CCDC180: variants seen among roughly 807,000 people sequenced by gnomAD.
CCDC180 encodes the protein coiled-coil domain-containing protein 180.
Under a neutral mutation model 209.2 loss-of-function variants are expected in CCDC180, and 154 were observed. That is an observed-to-expected ratio of 0.74 (90% CI 0.65 to 0.84). The LOEUF is 0.84. CCDC180 is among the 40% of genes least tolerant of loss of function. The pLI, the probability that CCDC180 is intolerant of heterozygous loss-of-function variation, is 0.00. For missense variants in CCDC180, 1,874 were observed against 1,997.3 expected (o/e 0.94, Z 1.18); for synonymous variants, 778 against 749.1 (o/e 1.04, Z -0.63).
Position 97,365,686 on chromosome 9 carries a change from A to T in CCDC180, c.3994A>T (p.Ile1332Phe). The change falls in exon 30 of 37, where the codon ATC (isoleucine) becomes TTC (phenylalanine). Residue 1332 changes from isoleucine to phenylalanine, a missense_variant. Physicochemically the swap from Ile to Phe is conservative, Grantham distance 21 (BLOSUM62 0). Transcript: ENST00000529487. The part of the protein sequence containing the change: ...PPPAAEDFKG[I>F]ILTLLWESSE... ...TGTGTGTTGCAGGGATTTTAAGGGG[A>T]TCATCTTGACCCTCCTCTGGGAGAG... 6.2e-7 allele frequency: 1 copy of T among 1,613,942 alleles called. No homozygotes were observed. Among genetic ancestry groups the T allele is most frequent in the Non-Finnish European group, 8.5e-7 (1 of 1,179,966 alleles).
intron 18 of CCDC180, among the ~76,000 whole-genome samples, chr9:97,332,614 T>A (rs1444428961): frequency 6.6e-6 from 1 of 152,166 alleles, no homozygotes; most frequent in Non-Finnish European, 1.5e-5. Flanking sequence ...TATTCCTAGG[T>A]ATTTTATTCT....
rs542120514 is a variant in CCDC180, at chr9:97,328,194, G to C, written c.1788+48G>C. 8.8e-6 allele frequency: 14 copies of C among 1,592,702 alleles called. No individual in the cohort carries two copies. The African/African-American group carries it at 1.5e-4, about 17-fold the overall frequency. On this transcript the variant is annotated intron_variant, in intron 16 of 36. Coordinates refer to ENST00000529487, the MANE Select transcript of CCDC180 (RefSeq NM_020893.6). ...CCCAGCCACTCATGAAGAAGCTAAG[G>C]GAGAGGCTGACTTCTTGTTATGATC... is the stretch of plus-strand genomic sequence containing the variant.
intron 22 of CCDC180, among the ~76,000 whole-genome samples, chr9:97,351,120 G>C (rs553519623): frequency 1.4e-4 from 21 of 152,286 alleles, no homozygotes; most frequent in African/African-American, 4.8e-4. Context: ...AGGAACATTG[G>C]TGTACAAATA....
chr9:97,358,860 T>G (rs958196315), intron 25 of CCDC180, among the ~76,000 whole-genome samples: 1 of 152,208 alleles, frequency 6.6e-6, no homozygotes, highest in East Asian at 1.9e-4. Context: ...TTTCAGTGAC[T>G]CTGAGTTGCA....
At position 97,352,321 on chromosome 9, in the gene CCDC180, T is replaced by C. The variant is rs115577130; in HGVS notation, c.3002+1766T>C. On this transcript the variant is annotated intron_variant, in intron 22 of 36. Transcript: ENST00000529487. ...GAAATTTTAGAGGAAGGGTAAATGA[T>C]GTTTAGGGGAGATTAATGGACCCAA... 8.4e-3 allele frequency among the ~76,000 whole-genome samples: 1,278 copies of C among 152,196 alleles called. 17 individuals carry two copies. The highest frequency in any genetic ancestry group is 0.029 in the African/African-American group (1,194 of 41,520).
intron 9 of CCDC180, among the ~76,000 whole-genome samples, chr9:97,317,536 C>A (rs1833217672): frequency 6.6e-6 from 1 of 152,176 alleles, no homozygotes; most frequent in African/African-American, 2.4e-5. Flanking sequence ...GAGCTCCATA[C>A]AGCTGGAAAA....
Position 97,362,450 on chromosome 9 carries a change from C to T in CCDC180, c.3902+9C>T, listed in dbSNP as rs1308490457. On this transcript the variant is annotated intron_variant, in intron 28 of 36. Coordinates refer to ENST00000529487, the MANE Select transcript of CCDC180 (RefSeq NM_020893.6). The stretch of plus-strand genomic sequence containing the variant: ...GCTACCTCTGCAGGCAGGTAGGACA[C>T]AAAGCAGCCAGAATCGCCCCTTCCC... 1.9e-6 allele frequency: 3 copies of T among 1,611,082 alleles called. No individual in the cohort carries two copies. Among genetic ancestry groups the T allele is most frequent in the Non-Finnish European group, 2.5e-6 (3 of 1,178,064 alleles).
At chr9:97,341,490 G>C (rs1293372937) in intron 18 of CCDC180, among the ~76,000 whole-genome samples, 1 of 152,186 alleles carries the variant, frequency 6.6e-6, no homozygotes, top group African/African-American at 2.4e-5. Flanking sequence ...CTGTTTGCCT[G>C]GGTTTCACCA....
chr9:97,350,494 T>A lies in CCDC180; in HGVS notation c.2941T>A (p.Tyr981Asn). 1 of 1,536,472 alleles carries A rather than the reference T, an allele frequency of 6.5e-7. No homozygotes were observed. Among genetic ancestry groups the A allele is most frequent in the South Asian group, 1.2e-5 (1 of 84,044 alleles). Residue 981 changes from tyrosine (Y) to asparagine (N), a missense_variant, in exon 22 of 37, where the codon TAC becomes AAC. Coordinates refer to ENST00000529487, the MANE Select transcript of CCDC180 (RefSeq NM_020893.6). ...GGTGTCCCTGCGCAGCTTCCGGCAGTACTTGGAGGAGAGTCTGGGCAAACT... is the reference window on the plus strand; with the variant it reads ...GGTGTCCCTGCGCAGCTTCCGGCAGAACTTGGAGGAGAGTCTGGGCAAACT... Reference protein sequence around the residue: ...TQVSLRSFRQYLEESLGKLRY... With the variant: ...TQVSLRSFRQNLEESLGKLRY...
At chr9:97,328,472 C>T (rs1489099048) in intron 16 of CCDC180, among the ~76,000 whole-genome samples, 2 of 152,154 alleles carry the variant, frequency 1.3e-5, no homozygotes, top group Admixed American at 6.5e-5. Context: ...ACCTACTCTC[C>T]TGCAAAATCC....
intron 28 of CCDC180, 80 bp from the exon 29 acceptor site, chr9:97,363,971 C>A: frequency 7.1e-7 from 1 of 1,410,076 alleles, no homozygotes; most frequent in Non-Finnish European, 9.9e-7. Context: ...TCCAGAAACC[C>A]AGGCAGGGAT....
At chr9:97,317,655 T>G (rs1483137189) in intron 9 of CCDC180, among the ~76,000 whole-genome samples, 1 of 152,134 alleles carries the variant, frequency 6.6e-6, no homozygotes, top group East Asian at 1.9e-4. Flanking sequence ...TCCCAACTCT[T>G]GGGGAGCGTG....
intron 4 of CCDC180, among the ~76,000 whole-genome samples, 182 bp from the exon 5 acceptor site, chr9:97,313,054 G>T (rs1484302317): frequency 6.6e-6 from 1 of 151,984 alleles, no homozygotes; most frequent in Non-Finnish European, 1.5e-5. Context: ...TGAGGCCTCG[G>T]TCCCTCTAGC....
Position 97,371,657 on chromosome 9 carries a change from C to T in CCDC180, c.4551C>T (p.Phe1517=), listed in dbSNP as rs1827104193. Residue 1517 remains phenylalanine (F), a synonymous_variant, in exon 34 of 37, where the codon TTC becomes TTT. Transcript: ENST00000529487. ...ACTTGGCCACCTTCACCGAGAAGTT[C>T]CTACTGCAGTTGGATGAGGTGGTCA... ...ITNLATFTEK[F]LLQLDEVVTI... 1 of 1,607,938 alleles carries T rather than the reference C, an allele frequency of 6.2e-7. No individual in the cohort carries two copies. The highest frequency in any genetic ancestry group is 1.1e-5 in the South Asian group (1 of 90,686).
At chr9:97,344,018 C>T (rs940259696) in intron 19 of CCDC180, among the ~76,000 whole-genome samples, 2 of 152,156 alleles carry the variant, frequency 1.3e-5, no homozygotes, top group African/African-American at 4.8e-5. Flanking sequence ...ATATCCATGT[C>T]CATCGCTAGA....
rs764914345 is a variant in CCDC180 at position 97,330,543 on chromosome 9, G to A, written c.2050G>A (p.Glu684Lys). ...ATCTCCACTGCATGCTAAGATGGAT[G>A]AGTCCAAAGAAGGCTCTATTCAGGG... ...KKSPLHAKMD[E>K]SKEGSIQGLE... is the part of the protein sequence containing the mutation. The change falls in exon 18 of 37, where the codon GAG (glutamate) becomes AAG (lysine). Residue 684 changes from glutamate to lysine, a missense_variant. Coordinates refer to ENST00000529487, the MANE Select transcript of CCDC180 (RefSeq NM_020893.6). 1 of 1,614,160 alleles carries A rather than the reference G, an allele frequency of 6.2e-7. No homozygotes were observed. Among genetic ancestry groups the A allele is most frequent in the Non-Finnish European group, 8.5e-7 (1 of 1,180,036 alleles).
At chr9:97,324,529 C>T (rs1329016915) in intron 13 of CCDC180, among the ~76,000 whole-genome samples, 1 of 152,220 alleles carries the variant, frequency 6.6e-6, no homozygotes, top group African/African-American at 2.4e-5. Flanking sequence ...ATTTAGTCTA[C>T]AGGTGGCAGC....
chr9:97,307,873 G>A, intron 1 of CCDC180, 67 bp downstream of exon 1: 1 of 1,605,802 alleles, frequency 6.2e-7, no homozygotes, highest in South Asian at 1.1e-5. Context: ...CTACCCCCCA[G>A]CAGAGAGTCC....
chr9:97,370,130 G>A (rs1160928267), intron 32 of CCDC180, 48 bp downstream of exon 32: 3 of 1,582,370 alleles, frequency 1.9e-6, no homozygotes, highest in South Asian at 1.2e-5. Flanking sequence ...AGGGGAACTG[G>A]GAGTTCAGAA....
Sources: gnomAD v4.1 joint callset for allele counts (sites outside exome capture counted in the v4.1 genomes callset) on GRCh38, gnomAD v4.1.1 for gene constraint, MANE v1.5 for transcripts, NCBI Gene and HGNC (gene_info 2026-07-23, HGNC 2026-07-21) for gene names.